BICC1: variants seen among roughly 807,000 people sequenced by gnomAD.
The protein encoded by BICC1 is BicC family RNA binding protein 1.
Under a neutral mutation model 111.0 loss-of-function variants are expected in BICC1, and 43 were observed. The ratio of observed to expected loss-of-function variants is 0.39; its 90% CI spans 0.30 to 0.50. The LOEUF (loss-of-function observed/expected upper bound fraction) is 0.50. Among genes scored for constraint, BICC1 ranks in the 20% least tolerant of loss-of-function variants. The pLI is 0.88. For missense variants in BICC1, 1,091 were observed against 1,203.2 expected, an observed-to-expected ratio of 0.91 and a Z score of 1.38; for synonymous variants, 467 against 434.4, an observed-to-expected ratio of 1.07 and a Z score of -0.93.
chr10:58,552,014 A>G (rs1719280949), intron 1 of BICC1, among the ~76,000 whole-genome samples: 1 of 151,862 alleles, frequency 6.6e-6, no homozygotes, highest in Non-Finnish European at 1.5e-5. Context: ...TTTAATGAAC[A>G]TCAAGCAGAT....
At chr10:58,728,072 G>A (rs1266100596) in intron 3 of BICC1, among the ~76,000 whole-genome samples, 1 of 152,208 alleles carries the variant, frequency 6.6e-6, no homozygotes, top group Non-Finnish European at 1.5e-5. Context: ...TGATTGATCA[G>A]AATGATGGTT....
At chr10:58,591,363 C>T (rs748694781) in intron 1 of BICC1, among the ~76,000 whole-genome samples, 11 of 152,144 alleles carry the variant, frequency 7.2e-5, no homozygotes, top group Non-Finnish European at 1.5e-4. Flanking sequence ...TAACAAAATA[C>T]CATCAACTGG....
At chr10:58,634,916 G>A (rs1201111205) in intron 2 of BICC1, among the ~76,000 whole-genome samples, 3 of 152,164 alleles carry the variant, frequency 2.0e-5, no homozygotes, top group African/African-American at 7.2e-5. Flanking sequence ...TTAAGTGGAA[G>A]TGGATCATCA....
intron 2 of BICC1, among the ~76,000 whole-genome samples, chr10:58,625,446 T>C (rs1162499024): frequency 1.3e-5 from 2 of 152,220 alleles, no homozygotes; most frequent in African/African-American, 4.8e-5. Flanking sequence ...AGCATTGTAA[T>C]TGATGAAAGC....
chr10:58,785,804 A>G (rs1768635601), intron 4 of BICC1, among the ~76,000 whole-genome samples: 2 of 152,180 alleles, frequency 1.3e-5, no homozygotes, highest in African/African-American at 4.8e-5. Flanking sequence ...GGTTAAGTGG[A>G]GAGGTGGGAT....
At chr10:58,644,904 C>T (rs1838221006) in intron 2 of BICC1, among the ~76,000 whole-genome samples, 1 of 152,002 alleles carries the variant, frequency 6.6e-6, no homozygotes, top group African/African-American at 2.4e-5. Flanking sequence ...TAAGTCAGAG[C>T]TGGGGTTACT....
At chr10:58,778,686 A>G (rs1842809446) in intron 3 of BICC1, among the ~76,000 whole-genome samples, 1 of 152,178 alleles carries the variant, frequency 6.6e-6, no homozygotes, top group Non-Finnish European at 1.5e-5. Flanking sequence ...GTTCAAATCC[A>G]TGTTGTTCAA....
In BICC1 at chr10:58,787,371, G is replaced by A. The variant is rs146976590; in HGVS notation, c.546+290G>A. On this transcript the variant is annotated intron_variant, in intron 5 of 20. Coordinates refer to ENST00000373886, the MANE Select transcript of BICC1 (RefSeq NM_001080512.3). ...TAAAGAAAGGCTGAGAGAGCATATC[G>A]TTTAGGACCTGGAAGCTTGCCTAGT... is the stretch of plus-strand genomic sequence containing the variant. 3.1e-3 allele frequency among the ~76,000 whole-genome samples: 468 copies of A among 152,224 alleles called. 8 individuals carry two copies. The highest frequency in any genetic ancestry group is 0.011 in the African/African-American group (446 of 41,542).
chr10:58,676,824 C>T (rs895404406), intron 2 of BICC1, among the ~76,000 whole-genome samples: 2 of 152,118 alleles, frequency 1.3e-5, no homozygotes, highest in South Asian at 2.1e-4. Flanking sequence ...GGCGGGTGTC[C>T]CTCTGGGAAA....
intron 1 of BICC1, among the ~76,000 whole-genome samples, chr10:58,607,863 C>T (rs144275188): frequency 3.1e-4 from 47 of 152,240 alleles, no homozygotes; most frequent in African/African-American, 9.4e-4. Context: ...ATCAGCTGTG[C>T]ACCTGAATTG....
Position 58,513,226 on chromosome 10 carries a change from T to G in BICC1, c.83T>G (p.Val28Gly), listed in dbSNP as rs774820857. 2.5e-6 allele frequency: 4 copies of G among 1,612,376 alleles called. No individual in the cohort carries two copies. Among genetic ancestry groups the G allele is most frequent in the Non-Finnish European group, 3.4e-6 (4 of 1,179,520 alleles). The stretch of plus-strand genomic sequence containing the variant: ...AGCGAGCGCAGCACCGACTCCCCAG[T>G]GCCCGGCTCCGAGGACGACTTGGTC... ...SNSERSTDSP[V>G]PGSEDDLVAG... is the part of the protein sequence containing the mutation. Residue 28 changes from valine to glycine, a missense_variant, in exon 1 of 21, where the codon GTG (valine) becomes GGG (glycine). Physicochemically the swap from Val to Gly is moderately radical, Grantham distance 109 (BLOSUM62 -3). This residue lies in a region of BICC1 where 843 missense variants were observed against 900.8 expected (regional missense o/e 0.94). Coordinates refer to ENST00000373886, the MANE Select transcript of BICC1 (RefSeq NM_001080512.3).
chr10:58,778,144 C>T (rs898823870), intron 3 of BICC1, among the ~76,000 whole-genome samples: 3 of 150,122 alleles, frequency 2.0e-5, no homozygotes, highest in African/African-American at 7.4e-5. Context: ...GTCTGGGAGG[C>T]GGCAGTTGCA....
intron 2 of BICC1, among the ~76,000 whole-genome samples, chr10:58,666,983 A>C (rs1839032568): frequency 6.6e-6 from 1 of 152,110 alleles, no homozygotes; most frequent in Non-Finnish European, 1.5e-5. Context: ...AATATATTAG[A>C]CATAATGGGT....
intron 1 of BICC1, among the ~76,000 whole-genome samples, chr10:58,544,172 T>C (rs1338029519): frequency 2.6e-5 from 4 of 152,104 alleles, no homozygotes; most frequent in Admixed American, 2.6e-4. Flanking sequence ...ATAATAGCAT[T>C]TACATTTGGT....
chr10:58,583,660 A>G (rs1187019157), intron 1 of BICC1, among the ~76,000 whole-genome samples: 1 of 147,124 alleles, frequency 6.8e-6, no homozygotes, highest in East Asian at 2.0e-4. Flanking sequence ...TTCTTTATCC[A>G]CTCATTGATT....
intron 1 of BICC1, among the ~76,000 whole-genome samples, chr10:58,557,037 A>G (rs988863885): frequency 6.6e-6 from 1 of 151,984 alleles, no homozygotes; most frequent in African/African-American, 2.4e-5. Context: ...GAGATGCAGG[A>G]TTGTCCTTGA....
At chr10:58,784,934 G>C in intron 3 of BICC1, 67 bp from the exon 4 acceptor site, 3 of 811,676 alleles carry the variant, frequency 3.7e-6, no homozygotes, top group Non-Finnish European at 5.8e-6. Flanking sequence ...TTTTAAAACA[G>C]AGTTTTTAAA....
chr10:58,645,896 T>G (rs2132230545), intron 2 of BICC1, among the ~76,000 whole-genome samples: 1 of 152,328 alleles, frequency 6.6e-6, no homozygotes, highest in Non-Finnish European at 1.5e-5. Flanking sequence ...TCCTGCTGAG[T>G]TTATGCTTAT....
intron 1 of BICC1, among the ~76,000 whole-genome samples, chr10:58,607,087 T>G (rs561035785): frequency 2.4e-3 from 358 of 151,938 alleles, no homozygotes; most frequent in Non-Finnish European, 3.7e-3. Flanking sequence ...GAGGCCGAGG[T>G]GGGTGGATCA....
Sources: gnomAD v4.1 joint callset for allele counts (sites outside exome capture counted in the v4.1 genomes callset) on GRCh38, gnomAD v4.1.1 for gene constraint, gnomAD v4.1.1 regional missense constraint, MANE v1.5 for transcripts, NCBI Gene and HGNC (gene_info 2026-07-23, HGNC 2026-07-21) for gene names.